Variants in HYCC2 observed in about 807,000 individuals in gnomAD.
HYCC2 encodes hyccin PI4KA lipid kinase complex subunit 2, also known as hyccin 2.
the HYCC2 span, among the ~76,000 whole-genome samples, chr2:201,042,681 C>A: frequency 4.3e-4 from 65 of 151,770 alleles, 1 homozygote; most frequent in African/African-American, 1.5e-3. Flanking sequence ...CGCCCGGCAG[C>A]CGCCCAGTCC....
chr2:200,977,357 T>C, the HYCC2 span: 1 of 152,168 alleles, frequency 6.6e-6, no homozygotes, highest in Non-Finnish European at 1.5e-5. Flanking sequence ...AGCCTCTGTT[T>C]CTTGAGGATG....
chr2:200,981,529 A>G, the HYCC2 span: 1 of 1,614,238 alleles, frequency 6.2e-7, no homozygotes, highest in Non-Finnish European at 8.5e-7. This position sits in a 1 kb window ranked among gnomAD's most constrained non-coding sequence, Gnocchi z 4.5. Flanking sequence ...TGTCCGGATT[A>G]GACTTAAGCT....
the HYCC2 span, among the ~76,000 whole-genome samples, chr2:201,015,799 A>G: frequency 6.6e-6 from 1 of 151,742 alleles, no homozygotes; most frequent in Non-Finnish European, 1.5e-5. Flanking sequence ...ACGTGACTTG[A>G]CTCTCCTGCC....
At chr2:201,049,408 G>T in the HYCC2 span, among the ~76,000 whole-genome samples, 1 of 151,864 alleles carries the variant, frequency 6.6e-6, no homozygotes, top group African/African-American at 2.4e-5. Flanking sequence ...GGAGTGCACT[G>T]GCGCGATCTT....
chr2:201,026,557 G>C, the HYCC2 span, among the ~76,000 whole-genome samples: 1 of 152,176 alleles, frequency 6.6e-6, no homozygotes, highest in Non-Finnish European at 1.5e-5. Context: ...TGACCACATA[G>C]TTGGAAGTAA....
the HYCC2 span, chr2:201,052,162 GT>G: frequency 6.6e-6 from 1 of 152,254 alleles, no homozygotes; most frequent in Non-Finnish European, 1.5e-5. Context: ...GCCCAGTGCA[GT>G]GGTACGCACC....
chr2:201,051,040 G>A, the HYCC2 span, among the ~76,000 whole-genome samples: 1 of 151,906 alleles, frequency 6.6e-6, no homozygotes, highest in African/African-American at 2.4e-5. Context: ...TGAACACAGA[G>A]GCAAAAATAT....
chr2:201,038,564 T>TA, the HYCC2 span, among the ~76,000 whole-genome samples: 1 of 151,984 alleles, frequency 6.6e-6, no homozygotes, highest in Non-Finnish European at 1.5e-5. Flanking sequence ...TATGCAGCCA[T>TA]AAAAAAGGAT....
the HYCC2 span, chr2:200,997,321 C>A: frequency 1.5e-6 from 1 of 650,694 alleles, no homozygotes; most frequent in Non-Finnish European, 2.7e-6. Context: ...TACAGGAATG[C>A]AAGCTCCATG....
chr2:201,038,506 A>G, the HYCC2 span, among the ~76,000 whole-genome samples: 4 of 152,196 alleles, frequency 2.6e-5, no homozygotes, highest in Admixed American at 2.6e-4. Context: ...ATGTCCATCA[A>G]TGATAGACTA....
the HYCC2 span, chr2:200,980,952 TCA>T: frequency 2.8e-6 from 1 of 355,574 alleles, no homozygotes; most frequent in Non-Finnish European, 5.3e-6. Context: ...ACCCTCAGTC[TCA>T]CAGTGTTGAA....
At chr2:201,014,479 TG>T in the HYCC2 span, among the ~76,000 whole-genome samples, 4 of 152,342 alleles carry the variant, frequency 2.6e-5, no homozygotes, top group South Asian at 4.1e-4. Flanking sequence ...TGCAACATAA[TG>T]AATTCTTCAA....
chr2:201,030,586 T>C, the HYCC2 span, among the ~76,000 whole-genome samples: 1,092 of 151,780 alleles, frequency 7.2e-3, 16 homozygotes, highest in African/African-American at 0.025. Context: ...TCATTCCTTT[T>C]TTTTTTTTTT....
chr2:200,997,587 C>A, the HYCC2 span: 1 of 1,175,486 alleles, frequency 8.5e-7, no homozygotes, highest in Non-Finnish European at 1.3e-6. Flanking sequence ...ATAATTACTT[C>A]TACTAGCAAC....
At chr2:201,016,991 C>T in the HYCC2 span, 1 of 1,610,982 alleles carries the variant, frequency 6.2e-7, no homozygotes, top group Non-Finnish European at 8.5e-7. Flanking sequence ...TTCAACTTAC[C>T]AAATTGTAAA....
At chr2:201,023,607 T>C in the HYCC2 span, 294 of 163,000 alleles carry the variant, frequency 1.8e-3, no homozygotes, top group African/African-American at 6.7e-3. Context: ...ATAAAAACTA[T>C]TTGATTTTTA....
the HYCC2 span, among the ~76,000 whole-genome samples, chr2:201,057,284 T>C: frequency 2.0e-5 from 3 of 152,238 alleles, no homozygotes; most frequent in Admixed American, 1.3e-4. Context: ...CTATCCTCTT[T>C]AAGTCAAATG....
the HYCC2 span, among the ~76,000 whole-genome samples, chr2:200,992,657 T>G: frequency 5.3e-5 from 8 of 152,244 alleles, no homozygotes; most frequent in African/African-American, 1.9e-4. Context: ...TATGTAGAGA[T>G]AGTTTTCCAT....
chr2:201,067,197 G>A, the HYCC2 span: 5 of 220,096 alleles, frequency 2.3e-5, no homozygotes, highest in Admixed American at 2.1e-4. Context: ...TCTAAACTGA[G>A]TTCGGCTGGC....
Sources: gnomAD v4.1 joint callset for allele counts (sites outside exome capture counted in the v4.1 genomes callset) on GRCh38, gnomAD v4.1.1 for gene constraint, Gnocchi (gnomAD v3.1) non-coding constraint, MANE v1.5 for transcripts, NCBI Gene and HGNC (gene_info 2026-07-23, HGNC 2026-07-21) for gene names.